Variants in ARHGEF10L observed in about 807,000 individuals in gnomAD.
ARHGEF10L encodes rho guanine nucleotide exchange factor 10-like protein.
Under a neutral mutation model 141.2 loss-of-function variants are expected in ARHGEF10L, and 69 were observed. The observed-to-expected ratio is 0.49, with a 90% confidence interval of 0.40 to 0.60. The LOEUF (loss-of-function observed/expected upper bound fraction) is 0.60. Among genes scored for constraint, ARHGEF10L ranks in the 20% least tolerant of loss-of-function variants. The pLI is 0.00. For synonymous variants in ARHGEF10L, 711 were observed against 718.5 expected (o/e 0.99, Z 0.17); for missense variants, 1,482 against 1,734.3 (o/e 0.85, Z 2.58).
Position 17,632,306 on chromosome 1 carries a change from C to T in ARHGEF10L, c.1585-15C>T, listed in dbSNP as rs551103555. ...GCCGCGATGCTGATGCTGACCTTCC[C>T]TGCCCCTCCTCCAGCTGTTGACCTC... On this transcript the variant is annotated splice_polypyrimidine_tract_variant and intron_variant, in intron 15 of 28. Transcript: ENST00000361221. 6 of 1,613,416 alleles carry T rather than the reference C, an allele frequency of 3.7e-6. No homozygotes were observed. The African/African-American group carries it at 8.0e-5, about 21-fold the overall frequency.
At chr1:17,668,331 C>A (rs373776341) in intron 26 of ARHGEF10L, among the ~76,000 whole-genome samples, 1 of 152,332 alleles carries the variant, frequency 6.6e-6, no homozygotes, top group East Asian at 1.9e-4. Context: ...TTCCTCCTGC[C>A]GACAGCTGTC....
chr1:17,537,583 G>A (rs2076593089), upstream of ARHGEF10L, among the ~76,000 whole-genome samples: 1 of 152,144 alleles, frequency 6.6e-6, no homozygotes, highest in Non-Finnish European at 1.5e-5. Flanking sequence ...GAATGGAGGA[G>A]GCCATGTGAA....
At position 17,616,083 on chromosome 1, in the gene ARHGEF10L, C is replaced by A; in HGVS notation, c.727-11C>A. 1 of 1,612,448 alleles carries A rather than the reference C, an allele frequency of 6.2e-7. No individual in the cohort carries two copies. The highest frequency in any genetic ancestry group is 8.5e-7 in the Non-Finnish European group (1 of 1,179,000). On this transcript the variant is annotated splice_polypyrimidine_tract_variant and intron_variant, in intron 8 of 28. Coordinates refer to ENST00000361221, the MANE Select transcript of ARHGEF10L (RefSeq NM_018125.4). ...GTCCCTTCCCTGATGAGCCTCTCTA[C>A]CTTTGCTCAGATGACCCAGCTCATG... is the stretch of plus-strand genomic sequence containing the variant.
chr1:17,693,455 G>T (rs1345120591), intron 27 of ARHGEF10L, among the ~76,000 whole-genome samples: 1 of 152,148 alleles, frequency 6.6e-6, no homozygotes, highest in East Asian at 1.9e-4. Context: ...CCTGCCTTTT[G>T]GGGTGAGAGA....
intron 1 of ARHGEF10L, among the ~76,000 whole-genome samples, chr1:17,577,688 A>G (rs958345113): frequency 1.3e-5 from 2 of 152,174 alleles, no homozygotes; most frequent in African/African-American, 4.8e-5. Flanking sequence ...TCCAGCCCCA[A>G]AGGCTAGGGA....
Position 17,603,557 on chromosome 1 carries a change from C to T in ARHGEF10L, c.399C>T (p.Asp133=), listed in dbSNP as rs760703114. 2.0e-5 allele frequency: 32 copies of T among 1,613,524 alleles called. No homozygotes were observed. The East Asian group carries it at 3.3e-4, about 17-fold the overall frequency. The part of the protein sequence containing the change: ...PALEEDVIYD[D]VPCESPDAHQ... ...TGGAAGAGGATGTGATTTATGACGA[C>T]GTCCCCTGCGAGAGCCCAGATGCGC... Residue 133 remains aspartate, a synonymous_variant, in exon 6 of 29, where the codon GAC becomes GAT. Coordinates refer to ENST00000361221, the MANE Select transcript of ARHGEF10L (RefSeq NM_018125.4). This position sits in a 1 kb window ranked among gnomAD's most constrained non-coding sequence, Gnocchi z 4.8.
chr1:17,648,761 C>T (rs1483664753), intron 22 of ARHGEF10L, 86 bp downstream of exon 22: 2 of 1,536,776 alleles, frequency 1.3e-6, no homozygotes, highest in Non-Finnish European at 1.8e-6. Context: ...CCAGGGAGCG[C>T]CCACAGCAGG....
rs1214532563 is a variant in ARHGEF10L, at chr1:17,639,022, G to T, written c.2171+333G>T. On this transcript the variant is annotated intron_variant, in intron 20 of 28. Transcript: ENST00000361221. This position sits in a 1 kb window ranked among gnomAD's most constrained non-coding sequence, Gnocchi z 4.3. ...CACTTCAGCCTATCTAGGCCCCCAG[G>T]CCAGGCCCTGGGTTTCCTCTCTCTG... Among the ~76,000 whole-genome samples, 2 of 152,146 alleles carry T rather than the reference G, an allele frequency of 1.3e-5. No homozygotes were observed. The highest frequency in any genetic ancestry group is 2.9e-5 in the Non-Finnish European group (2 of 68,026).
At chr1:17,647,088 G>A (rs1438460256) in intron 21 of ARHGEF10L, among the ~76,000 whole-genome samples, 1 of 152,074 alleles carries the variant, frequency 6.6e-6, no homozygotes, top group Non-Finnish European at 1.5e-5. Context: ...GGCAGGCTCC[G>A]GCTGCCTGCG....
chr1:17,682,670 C>T (rs2064219961), intron 26 of ARHGEF10L, among the ~76,000 whole-genome samples: 1 of 152,064 alleles, frequency 6.6e-6, no homozygotes. Flanking sequence ...GGTGAGCGCT[C>T]ACCCAGTAAA....
At chr1:17,671,606 T>G (rs1267934041) in intron 26 of ARHGEF10L, among the ~76,000 whole-genome samples, 1 of 152,158 alleles carries the variant, frequency 6.6e-6, no homozygotes, top group Non-Finnish European at 1.5e-5. Flanking sequence ...GCAAGTGGCG[T>G]CAGCATTTGG....
At chr1:17,545,607 G>A (rs1261382444) in intron 1 of ARHGEF10L, among the ~76,000 whole-genome samples, 2 of 152,202 alleles carry the variant, frequency 1.3e-5, no homozygotes, top group Non-Finnish European at 2.9e-5. Flanking sequence ...AGGACAGACC[G>A]TGGACAAATT....
chr1:17,678,563 G>A (rs2063873384), intron 26 of ARHGEF10L, among the ~76,000 whole-genome samples: 1 of 152,072 alleles, frequency 6.6e-6, no homozygotes, highest in African/African-American at 2.4e-5. Context: ...GGGATTACAG[G>A]CATGCGCCAC....
chr1:17,638,504 G>A, intron 19 of ARHGEF10L, 58 bp from the exon 20 acceptor site: 3 of 1,608,848 alleles, frequency 1.9e-6, no homozygotes, highest in Non-Finnish European at 2.5e-6. Context: ...AGGATCTGGT[G>A]TGGCTTTTGG....
chr1:17,683,003 C>T (rs2064244866), intron 26 of ARHGEF10L, among the ~76,000 whole-genome samples: 1 of 152,160 alleles, frequency 6.6e-6, no homozygotes, highest in South Asian at 2.1e-4. Context: ...TACGTGGATA[C>T]CTTGTGTTTG....
intron 26 of ARHGEF10L, among the ~76,000 whole-genome samples, chr1:17,686,106 CTTTT>C (rs981055264): frequency 1.0e-5 from 1 of 99,356 alleles, no homozygotes; most frequent in Admixed American, 9.5e-5. Flanking sequence ...TTCTTTCTTT[CTTTT>C]TTTTTTGCAT....
At chr1:17,517,502 AG>A in the ARHGEF10L span, among the ~76,000 whole-genome samples, 1 of 150,094 alleles carries the variant, frequency 6.7e-6, no homozygotes, top group Non-Finnish European at 1.5e-5. Flanking sequence ...TTTTGTAGAG[AG>A]AGTTTCGCCA....
chr1:17,621,896 G>A lies in ARHGEF10L; in HGVS notation c.975G>A (p.Val325=). ...GGAGGCATATCCTGGGCTCCATCGT[G>A]CAGAGCGAAGGCAGCTACGTGGAGT... The part of the protein sequence containing the change: ...VVRRHILGSI[V]QSEGSYVESL... The change falls in exon 11 of 29, where the codon GTG becomes GTA. Residue 325 remains valine (V), a synonymous_variant. Transcript: ENST00000361221. This position sits in a 1 kb window ranked among gnomAD's most constrained non-coding sequence, Gnocchi z 4.1. 1.2e-6 allele frequency: 2 copies of A among 1,614,182 alleles called. No individual in the cohort carries two copies. Among genetic ancestry groups the A allele is most frequent in the Non-Finnish European group, 1.7e-6 (2 of 1,180,032 alleles).
intron 12 of ARHGEF10L, 70 bp from the exon 13 acceptor site, chr1:17,624,317 A>T (rs1214600101): frequency 7.7e-7 from 1 of 1,300,334 alleles, no homozygotes; most frequent in African/African-American, 1.5e-5. Context: ...TCCCTGGCCC[A>T]CACCTGCCTC....
Sources: gnomAD v4.1 joint callset for allele counts (sites outside exome capture counted in the v4.1 genomes callset) on GRCh38, gnomAD v4.1.1 for gene constraint, Gnocchi (gnomAD v3.1) non-coding constraint, MANE v1.5 for transcripts, NCBI Gene and HGNC (gene_info 2026-07-23, HGNC 2026-07-21) for gene names.